The following CHST11 variants were observed in gnomAD, a reference collection of about 807,000 sequenced individuals.
The protein encoded by CHST11 is C4S-1.
In CHST11, 9 loss-of-function variants were observed where a neutral mutation model predicts 30.4. The observed-to-expected ratio is 0.30, with a 90% CI of 0.18 to 0.52. The LOEUF (loss-of-function observed/expected upper bound fraction) is 0.52. CHST11 is among the 20% of genes least tolerant of loss of function. The probability of loss-of-function intolerance (pLI) is 0.97; values close to 1 mark genes in which losing one functional copy is unlikely to be tolerated. For synonymous variants in CHST11, 152 were observed against 187.8 expected (o/e 0.81, Z 1.56); for missense variants, 348 against 460.6 (o/e 0.76, Z 2.24).
At chr12:104,476,056 A>G (rs2037557423) in intron 1 of CHST11, among the ~76,000 whole-genome samples, 1 of 145,048 alleles carries the variant, frequency 6.9e-6, no homozygotes. Flanking sequence ...TACTTGTAAT[A>G]TATAATTACA....
intron 1 of CHST11, among the ~76,000 whole-genome samples, chr12:104,491,530 A>G (rs1232379340): frequency 6.6e-6 from 1 of 151,400 alleles, no homozygotes; most frequent in Non-Finnish European, 1.5e-5. Flanking sequence ...GTGCAGTGGT[A>G]TGATCTTGGC....
At chr12:104,526,038 G>A (rs1477826349) in intron 1 of CHST11, among the ~76,000 whole-genome samples, 2 of 151,842 alleles carry the variant, frequency 1.3e-5, no homozygotes, top group Non-Finnish European at 2.9e-5. Context: ...ATGTCTTTTC[G>A]GCAGACGACC....
At chr12:104,609,758 G>C (rs997585043) in intron 2 of CHST11, among the ~76,000 whole-genome samples, 1 of 152,178 alleles carries the variant, frequency 6.6e-6, no homozygotes, top group African/African-American at 2.4e-5. Flanking sequence ...GGTCAGAGTT[G>C]GTGTTAATCA....
intron 2 of CHST11, among the ~76,000 whole-genome samples, chr12:104,618,754 A>C (rs2039132821): frequency 6.6e-6 from 1 of 152,126 alleles, no homozygotes; most frequent in African/African-American, 2.4e-5. Context: ...CACCTGAGGC[A>C]TAGAGAGGCG....
intron 1 of CHST11, among the ~76,000 whole-genome samples, chr12:104,546,817 C>T (rs938697575): frequency 2.0e-5 from 3 of 152,216 alleles, no homozygotes; most frequent in Non-Finnish European, 4.4e-5. Flanking sequence ...GGACCAGCCA[C>T]GTGTGTACCC....
chr12:104,653,244 G>A (rs561224603), intron 2 of CHST11, among the ~76,000 whole-genome samples: 11 of 152,278 alleles, frequency 7.2e-5, no homozygotes, highest in Admixed American at 5.9e-4. Context: ...GATTCATATA[G>A]TATCTGTCCT....
intron 2 of CHST11, among the ~76,000 whole-genome samples, chr12:104,732,067 C>G (rs943583493): frequency 1.3e-5 from 2 of 152,242 alleles, no homozygotes; most frequent in Non-Finnish European, 2.9e-5. Context: ...CAGCTATGCT[C>G]GGTCCCTCCA....
intron 1 of CHST11, among the ~76,000 whole-genome samples, chr12:104,586,767 C>A (rs1278563387): frequency 6.6e-6 from 1 of 152,160 alleles, no homozygotes; most frequent in Non-Finnish European, 1.5e-5. Context: ...AGGATAAATG[C>A]AAAGTAAACG....
At chr12:104,474,599 G>T (rs1372486230) in intron 1 of CHST11, among the ~76,000 whole-genome samples, 5 of 152,234 alleles carry the variant, frequency 3.3e-5, no homozygotes, top group Non-Finnish European at 7.3e-5. Flanking sequence ...TTTGAGGGAT[G>T]TGCAGGATGT....
intron 1 of CHST11, among the ~76,000 whole-genome samples, chr12:104,524,292 A>G (rs896385799): frequency 7.2e-5 from 11 of 152,114 alleles, no homozygotes; most frequent in African/African-American, 2.2e-4. Flanking sequence ...TGGAGTGTAC[A>G]GTTGCTAGCA....
intron 2 of CHST11, among the ~76,000 whole-genome samples, chr12:104,679,316 C>T (rs1057513258): frequency 4.6e-5 from 7 of 152,118 alleles, no homozygotes; most frequent in African/African-American, 9.7e-5. Flanking sequence ...CAGCCCCCAC[C>T]GGCCAGGAGA....
At chr12:104,681,797 TAC>T (rs1201909890) in intron 2 of CHST11, among the ~76,000 whole-genome samples, 1 of 151,130 alleles carries the variant, frequency 6.6e-6, no homozygotes, top group Non-Finnish European at 1.5e-5. Context: ...AACACTCATA[TAC>T]CTCTTTTTTC....
chr12:104,496,448 C>T (rs1273062763), intron 1 of CHST11, among the ~76,000 whole-genome samples: 1 of 152,208 alleles, frequency 6.6e-6, no homozygotes, highest in African/African-American at 2.4e-5. Flanking sequence ...GCCACAATTC[C>T]CCAAATCAGC....
At chr12:104,746,192 C>T (rs1205700179) in intron 2 of CHST11, among the ~76,000 whole-genome samples, 8 of 152,316 alleles carry the variant, frequency 5.3e-5, no homozygotes, top group South Asian at 4.1e-4. Flanking sequence ...GCCCAGTGGA[C>T]GCTGACTGGG....
chr12:104,545,130 A>C (rs2038334200), intron 1 of CHST11, among the ~76,000 whole-genome samples: 1 of 152,058 alleles, frequency 6.6e-6, no homozygotes, highest in Admixed American at 6.6e-5. Context: ...AGGGAGACAA[A>C]GACCCAAGGT....
chr12:104,599,376 A>T (rs2038936983), intron 1 of CHST11, among the ~76,000 whole-genome samples: 1 of 152,238 alleles, frequency 6.6e-6, no homozygotes, highest in Admixed American at 6.5e-5. Flanking sequence ...TCCCGGAGCC[A>T]TGGGCCTCGA....
At chr12:104,639,304 A>T (rs1003957142) in intron 2 of CHST11, among the ~76,000 whole-genome samples, 2 of 152,268 alleles carry the variant, frequency 1.3e-5, no homozygotes, top group African/African-American at 4.8e-5. Context: ...CACTGGTCAC[A>T]GCCCAAGGAC....
chr12:104,628,968 G>A (rs979119697), intron 2 of CHST11, among the ~76,000 whole-genome samples: 1 of 152,212 alleles, frequency 6.6e-6, no homozygotes, highest in Non-Finnish European at 1.5e-5. Flanking sequence ...AAACAAGGGG[G>A]AGCTGGATGG....
intron 2 of CHST11, among the ~76,000 whole-genome samples, chr12:104,634,968 G>A (rs2039310155): frequency 6.6e-6 from 1 of 152,112 alleles, no homozygotes; most frequent in Non-Finnish European, 1.5e-5. Flanking sequence ...GAGGGATTGG[G>A]GCCAGGACTA....
Sources: allele counts gnomAD v4.1 joint callset (sites outside exome capture counted in the v4.1 genomes callset), GRCh38; gene constraint gnomAD v4.1.1; transcripts MANE v1.5; gene names NCBI Gene and HGNC (gene_info 2026-07-23, HGNC 2026-07-21).